The following RC3H1 variants were observed in gnomAD, a reference collection of about 807,000 sequenced individuals.
RC3H1 encodes the protein roquin-1.
Under a neutral mutation model 138.2 loss-of-function variants are expected in RC3H1, and 50 were observed. The observed-to-expected ratio is 0.36, with a 90% CI of 0.29 to 0.46. RC3H1 has a LOEUF of 0.46. Ranked by LOEUF, RC3H1 falls within the 20% of genes least tolerant of loss-of-function variation. The pLI, the probability that RC3H1 is intolerant of heterozygous loss-of-function variation, is 1.00. For missense variants in RC3H1, 1,031 were observed against 1,388.1 expected (o/e 0.74, Z 4.09); for synonymous variants, 462 against 489.1 (o/e 0.94, Z 0.73).
rs1658556912 is a variant in RC3H1 at position 173,935,791 on chromosome 1, G to C, written c.*2930C>G. 6.6e-6 allele frequency: 1 copy of C among 152,154 alleles called. No homozygotes were observed. The allele number at this position is 152,154 out of a possible 1,614,324, so 9.4% of individuals were successfully genotyped here. On this transcript the variant is annotated 3_prime_UTR_variant, in exon 20 of 20. Transcript: ENST00000367696. ...ACCGCTGATGAGCACTAGGAAAGCT[G>C]CAAGAATTTCCATTAGGTAAGGTGG... is the stretch of plus-strand genomic sequence containing the variant.
chr1:173,979,210 G>A (rs1174358963), intron 6 of RC3H1, among the ~76,000 whole-genome samples: 1 of 152,156 alleles, frequency 6.6e-6, no homozygotes, highest in Non-Finnish European at 1.5e-5. Context: ...ACACTGCAAA[G>A]TTTACCAGTT....
chr1:173,933,855 A>T lies in RC3H1; in HGVS notation c.*4866T>A, dbSNP rs1658478802. The T allele has an allele frequency of 6.6e-6, 1 of 152,194 alleles. No individual in the cohort carries two copies. The highest frequency in any genetic ancestry group is 2.4e-5 in the African/African-American group (1 of 41,460). 9.4% of individuals were successfully genotyped at this position (152,194 alleles called of 1,614,324 possible). On this transcript the variant is annotated 3_prime_UTR_variant, in exon 20 of 20. Coordinates refer to ENST00000367696, the MANE Select transcript of RC3H1 (RefSeq NM_172071.4). ...AGTTTAGTAGGTCTAATTTTTCTTA[A>T]AAGGATAGGCAGATTTTTCAGGGGA...
chr1:173,954,362 G>C (rs1659545084), intron 13 of RC3H1, among the ~76,000 whole-genome samples: 2 of 152,148 alleles, frequency 1.3e-5, no homozygotes, highest in Admixed American at 1.3e-4. Flanking sequence ...CAATGTGGGA[G>C]CTAAAAAGTT....
At chr1:173,959,358 T>C (rs574512575) in intron 13 of RC3H1, among the ~76,000 whole-genome samples, 30 of 152,244 alleles carry the variant, frequency 2.0e-4, no homozygotes, top group South Asian at 2.1e-4. Context: ...TCAAAAAACA[T>C]TGGTTATCGA....
chr1:174,021,692 C>A (rs901635156), intron 1 of RC3H1, among the ~76,000 whole-genome samples: 4 of 152,128 alleles, frequency 2.6e-5, no homozygotes, highest in African/African-American at 9.7e-5. Flanking sequence ...TTTACAGACG[C>A]CTTCGCCCTC....
intron 11 of RC3H1, among the ~76,000 whole-genome samples, chr1:173,962,817 C>T (rs1345292100): frequency 2.0e-5 from 3 of 152,094 alleles, no homozygotes; most frequent in Non-Finnish European, 4.4e-5. Context: ...AAAAGAGTTG[C>T]ATTTTTTCCT....
chr1:173,990,197 C>T (rs1661215307), intron 2 of RC3H1, among the ~76,000 whole-genome samples: 1 of 151,060 alleles, frequency 6.6e-6, no homozygotes, highest in South Asian at 2.1e-4. Flanking sequence ...CATGCCTCAG[C>T]CCCGAGTAGC....
At chr1:173,953,707 A>G (rs1388137058) in intron 13 of RC3H1, among the ~76,000 whole-genome samples, 3 of 152,224 alleles carry the variant, frequency 2.0e-5, no homozygotes, top group African/African-American at 2.4e-5. Flanking sequence ...CAAGACAGAC[A>G]TAAAACCAAG....
intron 1 of RC3H1, among the ~76,000 whole-genome samples, chr1:173,994,615 AT>A (rs1376935480): frequency 2.0e-5 from 3 of 151,084 alleles, no homozygotes; most frequent in Non-Finnish European, 1.5e-5. Flanking sequence ...CCTAGGTAAC[AT>A]AGGGAGACCC....
chr1:173,983,082 T>C (rs1660887266), intron 4 of RC3H1, 180 bp from the exon 5 acceptor site: 2 of 507,374 alleles, frequency 3.9e-6, no homozygotes, highest in Non-Finnish European at 6.7e-6. Flanking sequence ...ACATTCTATA[T>C]ATTTTATAAA....
rs537738762 is a variant in RC3H1, at chr1:174,010,571, G to C, written c.-151+11525C>G. Among the ~76,000 whole-genome samples, 4 of 152,152 alleles carry C rather than the reference G, an allele frequency of 2.6e-5. No homozygotes were observed. The East Asian group carries it at 7.7e-4, about 29-fold the overall frequency. ...CTGGACTACAGGCATGCGCCATCAT[G>C]CCTGGCTGTTTTTTTAATTTTTTTT... On this transcript the variant is annotated intron_variant, in intron 1 of 19. Transcript: ENST00000367696.
chr1:173,944,834 T>C (rs1659065464), intron 17 of RC3H1, among the ~76,000 whole-genome samples: 1 of 152,200 alleles, frequency 6.6e-6, no homozygotes, highest in South Asian at 2.1e-4. Context: ...GCCAGCTATA[T>C]GTTCCAAAAA....
chr1:174,013,276 G>C (rs1301278058), intron 1 of RC3H1, among the ~76,000 whole-genome samples: 1 of 151,978 alleles, frequency 6.6e-6, no homozygotes, highest in East Asian at 1.9e-4. Context: ...GAGAGTGAAT[G>C]GAAGTGGAGA....
chr1:173,997,784 A>G (rs1661490266), intron 1 of RC3H1, among the ~76,000 whole-genome samples: 1 of 152,220 alleles, frequency 6.6e-6, no homozygotes, highest in African/African-American at 2.4e-5. Flanking sequence ...TTGATGATTA[A>G]TAACAGAAAG....
At chr1:173,946,384 A>C in intron 17 of RC3H1, 92 bp downstream of exon 17, 1 of 1,194,170 alleles carries the variant, frequency 8.4e-7, no homozygotes, top group Non-Finnish European at 1.2e-6. Flanking sequence ...ATAGACCTTA[A>C]AGTTTTTTGT....
rs996673676 is a variant in RC3H1 at position 173,931,384 on chromosome 1, T to A, written c.*7337A>T. The A allele has an allele frequency of 6.6e-6, 1 of 152,190 alleles. No homozygotes were observed. The highest frequency in any genetic ancestry group is 2.4e-5 in the African/African-American group (1 of 41,458). 9.4% of individuals were successfully genotyped at this position (152,190 alleles called of 1,614,324 possible). The stretch of plus-strand genomic sequence containing the variant: ...CCTTAAACACTAATTAGGAGCAACA[T>A]GAGGCTGAGTCAGTTTCCAAGGTAA... On this transcript the variant is annotated 3_prime_UTR_variant, in exon 20 of 20. Transcript: ENST00000367696.
intron 7 of RC3H1, among the ~76,000 whole-genome samples, chr1:173,976,546 C>G (rs1660594277): frequency 6.6e-6 from 1 of 151,992 alleles, no homozygotes; most frequent in Admixed American, 6.6e-5. Flanking sequence ...AATTTATGAC[C>G]TTGACAAAAT....
intron 1 of RC3H1, among the ~76,000 whole-genome samples, chr1:174,005,337 C>T (rs1433764804): frequency 1.3e-5 from 2 of 152,168 alleles, no homozygotes; most frequent in African/African-American, 4.8e-5. Flanking sequence ...GTCCAAATTG[C>T]TGACTCACAG....
chr1:173,938,564 G>C lies in RC3H1; in HGVS notation c.*157C>G, dbSNP rs1004858404. ...TTAATGTGAACTATGTGCAGGGTTT[G>C]TTTTTAGTAGTGGTGTTTGTGCACA... On this transcript the variant is annotated 3_prime_UTR_variant, in exon 20 of 20. Coordinates refer to ENST00000367696, the MANE Select transcript of RC3H1 (RefSeq NM_172071.4). The C allele has an allele frequency of 2.0e-5, 10 of 498,908 alleles. No homozygotes were observed. The highest frequency in any genetic ancestry group is 3.2e-5 in the Non-Finnish European group (9 of 282,190). 30.9% of individuals were successfully genotyped at this position (498,908 alleles called of 1,614,324 possible).
Sources: allele counts gnomAD v4.1 joint callset (sites outside exome capture counted in the v4.1 genomes callset), GRCh38; gene constraint gnomAD v4.1.1; transcripts MANE v1.5; gene names NCBI Gene and HGNC (gene_info 2026-07-23, HGNC 2026-07-21).